POLN: variants seen among roughly 807,000 people sequenced by gnomAD.
POLN encodes DNA polymerase N.
POLN carries 108 observed loss-of-function variants against 113.5 expected under a neutral mutation model. That is an observed-to-expected ratio of 0.95 (90% confidence interval 0.81 to 1.12). The LOEUF (loss-of-function observed/expected upper bound fraction) is 1.12. Ranked by LOEUF, POLN falls within the 50% of genes most tolerant of loss-of-function variation. The probability of loss-of-function intolerance (pLI) is 0.00; values close to 1 mark genes in which losing one functional copy is unlikely to be tolerated. For missense variants in POLN, 1,097 were observed against 1,077.1 expected (o/e 1.02, Z -0.26); for synonymous variants, 386 against 391.5 (o/e 0.99, Z 0.17).
chr4:2,140,384 G>C (rs1731969403), intron 16 of POLN, among the ~76,000 whole-genome samples: 1 of 152,138 alleles, frequency 6.6e-6, no homozygotes, highest in African/African-American at 2.4e-5. Flanking sequence ...GCCAGGATTT[G>C]TTAAATTGAT....
intron 6 of POLN, among the ~76,000 whole-genome samples, chr4:2,195,231 T>G (rs1327279775): frequency 6.6e-6 from 1 of 152,220 alleles, no homozygotes. Flanking sequence ...AGGCAATGTA[T>G]TAATTTGATT....
intron 16 of POLN, among the ~76,000 whole-genome samples, chr4:2,136,186 G>A (rs549073967): frequency 7.2e-5 from 11 of 152,298 alleles, no homozygotes; most frequent in East Asian, 5.8e-4. Flanking sequence ...ACACAGTAAC[G>A]CAATCATACA....
At chr4:2,229,437 C>A in intron 2 of POLN, 194 bp from the exon 3 acceptor site, 1 of 443,082 alleles carries the variant, frequency 2.3e-6, no homozygotes, top group South Asian at 4.2e-5. Context: ...GAGGCTTAAT[C>A]CAGGTATCAT....
chr4:2,223,678 G>A (rs1417516239), intron 3 of POLN, among the ~76,000 whole-genome samples: 3 of 152,142 alleles, frequency 2.0e-5, no homozygotes, highest in East Asian at 1.9e-4. Context: ...CATGTACTAG[G>A]CTACAAAGCT....
intron 7 of POLN, among the ~76,000 whole-genome samples, chr4:2,182,956 TAAAC>T (rs1435676091): frequency 6.6e-6 from 1 of 151,998 alleles, no homozygotes; most frequent in Non-Finnish European, 1.5e-5. Flanking sequence ...TTCTTACAAA[TAAAC>T]AATAAAAAGA....
intron 2 of POLN, chr4:2,232,290 A>G (rs973801153): frequency 4.9e-5 from 24 of 494,552 alleles, no homozygotes; most frequent in Non-Finnish European, 7.4e-5. Flanking sequence ...CAATAAATAA[A>G]CCTCGATTTA....
chr4:2,110,053 A>T (rs1039760875), intron 19 of POLN, among the ~76,000 whole-genome samples: 1 of 152,080 alleles, frequency 6.6e-6, no homozygotes, highest in East Asian at 1.9e-4. Context: ...CAGACCACAG[A>T]GCAATCAAAC....
chr4:2,110,417 CA>C (rs936451818), intron 19 of POLN, among the ~76,000 whole-genome samples: 3 of 151,946 alleles, frequency 2.0e-5, no homozygotes, highest in African/African-American at 7.3e-5. Context: ...AATAGAGACA[CA>C]AAAAACCCTT....
At chr4:2,153,473 C>T (rs570691073) in intron 16 of POLN, among the ~76,000 whole-genome samples, 4 of 152,182 alleles carry the variant, frequency 2.6e-5, no homozygotes, top group African/African-American at 9.6e-5. Context: ...GGATGGTTAC[C>T]AAAATGTTAA....
At chr4:2,163,542 C>T (rs1019869060) in intron 13 of POLN, among the ~76,000 whole-genome samples, 1 of 152,226 alleles carries the variant, frequency 6.6e-6, no homozygotes, top group African/African-American at 2.4e-5. Context: ...TTCGTCTGAC[C>T]TCCCTTCTCA....
chr4:2,201,491 C>A (rs1214462941), intron 5 of POLN, among the ~76,000 whole-genome samples: 1 of 151,458 alleles, frequency 6.6e-6, no homozygotes, highest in East Asian at 1.9e-4. Flanking sequence ...CCCAATCCAA[C>A]AAAGACAAAG....
intron 21 of POLN, among the ~76,000 whole-genome samples, chr4:2,084,043 T>G (rs1412788336): frequency 1.3e-5 from 2 of 152,214 alleles, no homozygotes; most frequent in African/African-American, 2.4e-5. Flanking sequence ...GAGAGGCATC[T>G]GAGATCCCAG....
At chr4:2,115,208 C>CTA (rs67359279) in intron 19 of POLN, among the ~76,000 whole-genome samples, 13,066 of 118,940 alleles carry the variant, frequency 0.11, 815 homozygotes, top group Non-Finnish European at 0.15. Flanking sequence ...ACCACCACAG[C>CTA]TATATATATA....
chr4:2,098,945 C>T (rs1264533419), intron 19 of POLN, among the ~76,000 whole-genome samples: 1 of 149,002 alleles, frequency 6.7e-6, no homozygotes, highest in African/African-American at 2.5e-5. Flanking sequence ...CACACACACA[C>T]TGAAGAGGTT....
chr4:2,226,970 G>A (rs1267496634), intron 3 of POLN, among the ~76,000 whole-genome samples: 1 of 152,150 alleles, frequency 6.6e-6, no homozygotes, highest in Non-Finnish European at 1.5e-5. Flanking sequence ...GGATTCATAT[G>A]ATGAAGGAAT....
intron 16 of POLN, among the ~76,000 whole-genome samples, chr4:2,148,078 G>A (rs1209629226): frequency 6.6e-6 from 1 of 152,188 alleles, no homozygotes. Flanking sequence ...GAACAGAAGT[G>A]CAGGATGTTA....
At chr4:2,213,160 T>C in intron 3 of POLN, 34 bp from the exon 4 acceptor site, 1 of 1,413,320 alleles carries the variant, frequency 7.1e-7, no homozygotes. Context: ...ACATGGGGCA[T>C]TAAAGAAACA....
At chr4:2,078,462 A>C in intron 23 of POLN, 3 of 656,858 alleles carry the variant, frequency 4.6e-6, no homozygotes, top group Non-Finnish European at 5.7e-6. Flanking sequence ...GGCCAGATGA[A>C]TCTTCTTCTT....
intron 3 of POLN, among the ~76,000 whole-genome samples, chr4:2,217,629 T>C (rs1174471254): frequency 6.6e-6 from 1 of 152,234 alleles, no homozygotes; most frequent in Non-Finnish European, 1.5e-5. Context: ...CAGTTTTGTT[T>C]TTGAAAAATT....
Sources: allele counts gnomAD v4.1 joint callset (sites outside exome capture counted in the v4.1 genomes callset), GRCh38; gene constraint gnomAD v4.1.1; transcripts MANE v1.5; gene names NCBI Gene and HGNC (gene_info 2026-07-23, HGNC 2026-07-21).